EVI5: variants seen among roughly 807,000 people sequenced by gnomAD.
EVI5 encodes the protein ecotropic viral integration site 5 protein homolog.
A neutral mutation model predicts 112.0 loss-of-function variants in EVI5; 73 were observed. The ratio of observed to expected loss-of-function variants is 0.65; its 90% CI spans 0.54 to 0.79. The LOEUF (loss-of-function observed/expected upper bound fraction) is 0.79. Ranked by LOEUF, EVI5 falls within the 30% of genes least tolerant of loss-of-function variation. EVI5 has a pLI of 0.00. For missense variants in EVI5, 900 were observed against 968.8 expected, an observed-to-expected ratio of 0.93 and a Z score of 0.94; for synonymous variants, 305 against 319.9, an observed-to-expected ratio of 0.95 and a Z score of 0.50.
intron 1 of EVI5, among the ~76,000 whole-genome samples, chr1:92,739,801 T>A (rs1391846037): frequency 6.6e-6 from 1 of 152,108 alleles, no homozygotes; most frequent in Non-Finnish European, 1.5e-5. Flanking sequence ...TGGCTATGGT[T>A]AATTACTTCC....
At chr1:92,641,127 T>G (rs1322549746) in intron 13 of EVI5, among the ~76,000 whole-genome samples, 1 of 152,148 alleles carries the variant, frequency 6.6e-6, no homozygotes, top group African/African-American at 2.4e-5. Context: ...CAAGCCACCA[T>G]GGCACACATA....
At chr1:92,774,065 ATTTCTGGAAT>A (rs1157644527) in intron 1 of EVI5, 1 of 151,928 alleles carries the variant, frequency 6.6e-6, no homozygotes, top group African/African-American at 2.4e-5. Context: ...CTTACAAATT[ATTTCTGGAAT>A]TTTCCATTTA....
intron 13 of EVI5, among the ~76,000 whole-genome samples, chr1:92,644,381 T>C (rs193115547): frequency 2.7e-4 from 41 of 152,366 alleles, no homozygotes; most frequent in African/African-American, 9.6e-4. Context: ...AAAGTTAATG[T>C]CATTCCTGAC....
chr1:92,614,467 G>A (rs1417372689), intron 16 of EVI5, among the ~76,000 whole-genome samples: 1 of 152,090 alleles, frequency 6.6e-6, no homozygotes. Context: ...TGTCTGTGAG[G>A]GTGTTGCCAA....
At chr1:92,627,790 T>A (rs1003422746) in intron 14 of EVI5, among the ~76,000 whole-genome samples, 4 of 152,136 alleles carry the variant, frequency 2.6e-5, no homozygotes, top group Non-Finnish European at 5.9e-5. Flanking sequence ...ATGTTTAGTA[T>A]TTTTTCTTTT....
chr1:92,724,911 C>T (rs893834016), intron 2 of EVI5, among the ~76,000 whole-genome samples: 3 of 152,142 alleles, frequency 2.0e-5, no homozygotes, highest in Admixed American at 6.5e-5. Context: ...TCTGTGACTG[C>T]CATTTTAACC....
rs202243073 is a variant in EVI5 at position 92,665,954 on chromosome 1, G to A, written c.1197C>T (p.Ile399=). Residue 399 remains isoleucine (I), a synonymous_variant, in exon 11 of 20, where the codon ATC becomes ATT. Transcript: ENST00000684568. ...RTENRLLKQR[I]ETLEKESASL... ...ACTTACTTACTTTTTCTAATGTCTC[G>A]ATGCGCTGTTTTAAAAGTCTATTTT... The A allele has an allele frequency of 6.2e-5, 99 of 1,605,266 alleles. No homozygotes were observed. Among genetic ancestry groups the A allele is most frequent in the Middle Eastern group, 1.7e-4 (1 of 6,052 alleles).
At position 92,539,659 on chromosome 1, in the gene EVI5, G is replaced by A. The variant is rs559367507; in HGVS notation, c.2166+23983C>T. Among the ~76,000 whole-genome samples, 19 of 152,116 alleles carry A rather than the reference G, an allele frequency of 1.2e-4. No individual in the cohort carries two copies. In the East Asian group the frequency reaches 3.3e-3, roughly 26 times the overall value. On this transcript the variant is annotated intron_variant, in intron 19 of 19. Transcript: ENST00000684568. The stretch of plus-strand genomic sequence containing the variant: ...ACCCCATCCATGGGCCCCAGGTTAG[G>A]AAACTGTCCAGAAGAGAAAGACTAT...
intron 18 of EVI5, among the ~76,000 whole-genome samples, chr1:92,593,995 C>T (rs1674472627): frequency 6.6e-6 from 1 of 152,178 alleles, no homozygotes; most frequent in Admixed American, 6.5e-5. Context: ...GTCATACTGT[C>T]CAAGGTAATT....
chr1:92,691,671 T>C (rs189009152), intron 9 of EVI5, among the ~76,000 whole-genome samples: 24 of 151,854 alleles, frequency 1.6e-4, no homozygotes, highest in African/African-American at 5.3e-4. Context: ...AGGTTGAAGA[T>C]AGAGAAGGAA....
At chr1:92,620,764 G>A (rs1654367734) in intron 16 of EVI5, among the ~76,000 whole-genome samples, 2 of 152,102 alleles carry the variant, frequency 1.3e-5, no homozygotes, top group African/African-American at 4.8e-5. Context: ...GAAAAGATAA[G>A]ATACCAGACA....
chr1:92,708,452 G>A (rs1328331127), intron 2 of EVI5, among the ~76,000 whole-genome samples: 1 of 151,996 alleles, frequency 6.6e-6, no homozygotes, highest in Non-Finnish European at 1.5e-5. Flanking sequence ...AGTTACAATC[G>A]AGATGACAAA....
At chr1:92,604,504 C>T (rs1377026297) in intron 18 of EVI5, among the ~76,000 whole-genome samples, 2 of 152,202 alleles carry the variant, frequency 1.3e-5, no homozygotes, top group Non-Finnish European at 2.9e-5. Flanking sequence ...ATGAAGCTGT[C>T]ATCTCCTATG....
At chr1:92,519,452 G>T (rs1660496949) in intron 19 of EVI5, among the ~76,000 whole-genome samples, 1 of 152,094 alleles carries the variant, frequency 6.6e-6, no homozygotes, top group African/African-American at 2.4e-5. Flanking sequence ...ACACATAAAA[G>T]AACACACCAA....
intron 10 of EVI5, among the ~76,000 whole-genome samples, chr1:92,669,296 C>G (rs572162114): frequency 1.7e-4 from 26 of 151,712 alleles, no homozygotes; most frequent in Non-Finnish European, 3.4e-4. Flanking sequence ...AGCTGTAATC[C>G]CAGAACTTTG....
At chr1:92,557,360 T>C (rs1034872551) in intron 19 of EVI5, among the ~76,000 whole-genome samples, 7 of 152,158 alleles carry the variant, frequency 4.6e-5, no homozygotes, top group African/African-American at 1.7e-4. Context: ...CTTGGCTCAC[T>C]GCAACCTCCG....
chr1:92,754,458 A>G (rs1680614332), intron 1 of EVI5, among the ~76,000 whole-genome samples: 1 of 152,128 alleles, frequency 6.6e-6, no homozygotes, highest in Non-Finnish European at 1.5e-5. Flanking sequence ...ATTATCTCCC[A>G]GTTTCTGTAT....
upstream of EVI5, chr1:92,785,141 C>A: frequency 1.0e-6 from 1 of 983,832 alleles, no homozygotes. Flanking sequence ...TTAAAGAGAC[C>A]CGGCAGCCTC....
rs1357389530 is a variant in EVI5, at chr1:92,525,183, G to A, written c.2167-11213C>T. ...AGCCATAGGAGAGACACATACATCG[G>A]GGTGTGCGTGTGTGGTAGGTTGCAA... On this transcript the variant is annotated intron_variant, in intron 19 of 19. Coordinates refer to ENST00000684568, the MANE Select transcript of EVI5 (RefSeq NM_001350197.2). 2.6e-5 allele frequency among the ~76,000 whole-genome samples: 4 copies of A among 151,932 alleles called. No homozygotes were observed. In the East Asian group the frequency reaches 5.8e-4, roughly 22 times the overall value.
Sources: gnomAD v4.1 joint callset for allele counts (sites outside exome capture counted in the v4.1 genomes callset) on GRCh38, gnomAD v4.1.1 for gene constraint, MANE v1.5 for transcripts, NCBI Gene and HGNC (gene_info 2026-07-23, HGNC 2026-07-21) for gene names.